Variants in ANKRD11 observed in about 807,000 individuals in gnomAD.
The protein encoded by ANKRD11 is ankyrin repeat domain 11, also known as ankyrin repeat domain-containing protein 11.
Under a neutral mutation model 195.7 loss-of-function variants are expected in ANKRD11, and 17 were observed. The ratio of observed to expected loss-of-function variants is 0.09; its 90% CI spans 0.06 to 0.13. ANKRD11 has a LOEUF of 0.13. Among genes scored for constraint, ANKRD11 ranks in the 10% least tolerant of loss-of-function variants. The probability of loss-of-function intolerance (pLI) is 1.00; values close to 1 mark genes in which losing one functional copy is unlikely to be tolerated. For synonymous variants in ANKRD11, 1,953 were observed against 1,528.1 expected (o/e 1.28, Z -6.49); for missense variants, 3,735 against 3,566.1 (o/e 1.05, Z -1.21).
intron 1 of ANKRD11, among the ~76,000 whole-genome samples, chr16:89,489,848 C>T (rs2057757152): frequency 6.8e-6 from 1 of 147,672 alleles, no homozygotes; most frequent in Admixed American, 6.7e-5. Flanking sequence ...CCAGGCCCGC[C>T]CCGGAGCCCC....
intron 1 of ANKRD11, among the ~76,000 whole-genome samples, chr16:89,480,290 C>A (rs982247645): frequency 6.6e-6 from 1 of 151,710 alleles, no homozygotes; most frequent in African/African-American, 2.4e-5. Flanking sequence ...TTCTGGCTAA[C>A]ATGGCGAAAC....
At chr16:89,311,408 GTCTA>G (rs1480309917) in intron 3 of ANKRD11, among the ~76,000 whole-genome samples, 1 of 152,116 alleles carries the variant, frequency 6.6e-6, no homozygotes, top group Non-Finnish European at 1.5e-5. Context: ...CACAACAACT[GTCTA>G]TCTAGATAGA....
At chr16:89,311,691 C>G (rs1396871134) in intron 3 of ANKRD11, among the ~76,000 whole-genome samples, 1 of 152,150 alleles carries the variant, frequency 6.6e-6, no homozygotes, top group Admixed American at 6.5e-5. Flanking sequence ...AAAGAGAGCA[C>G]GAGTTCTAGA....
chr16:89,317,234 G>T (rs939082476), intron 2 of ANKRD11, among the ~76,000 whole-genome samples, 156 bp from the exon 3 acceptor site: 1 of 152,224 alleles, frequency 6.6e-6, no homozygotes, highest in African/African-American at 2.4e-5. Context: ...GGACTTCTCA[G>T]GATACGCCTC....
At chr16:89,456,820 G>C (rs2056457565) in intron 1 of ANKRD11, among the ~76,000 whole-genome samples, 1 of 152,196 alleles carries the variant, frequency 6.6e-6, no homozygotes, top group Admixed American at 6.5e-5. Context: ...GAGAAGTGGA[G>C]CGCTTCCTTC....
At chr16:89,322,808 C>G (rs1331055704) in intron 2 of ANKRD11, among the ~76,000 whole-genome samples, 1 of 152,234 alleles carries the variant, frequency 6.6e-6, no homozygotes, top group Non-Finnish European at 1.5e-5. Flanking sequence ...CAGCACACGG[C>G]CATGCTCCAG....
intron 2 of ANKRD11, chr16:89,343,658 G>C (rs945426289): frequency 3.3e-5 from 5 of 152,262 alleles, no homozygotes; most frequent in African/African-American, 9.6e-5. Context: ...AACTTGGTCA[G>C]TCACATCCAT....
chr16:89,320,640 G>A (rs2037259656), intron 2 of ANKRD11, among the ~76,000 whole-genome samples: 1 of 152,070 alleles, frequency 6.6e-6, no homozygotes, highest in South Asian at 2.1e-4. Flanking sequence ...CCCCACACGA[G>A]CCACTGGCAC....
intron 2 of ANKRD11, chr16:89,320,290 C>T (rs1036520271): frequency 2.0e-5 from 3 of 152,278 alleles, no homozygotes; most frequent in African/African-American, 7.2e-5. Context: ...GGAGACTCTT[C>T]CCTGGAAGGT....
intron 2 of ANKRD11, among the ~76,000 whole-genome samples, chr16:89,402,393 A>G (rs1327629474): frequency 1.3e-5 from 2 of 152,190 alleles, no homozygotes; most frequent in African/African-American, 4.8e-5. Flanking sequence ...CGGTAGGCAC[A>G]TCAATTTAAA....
At chr16:89,371,809 C>A (rs2152082045) in intron 2 of ANKRD11, among the ~76,000 whole-genome samples, 1 of 152,292 alleles carries the variant, frequency 6.6e-6, no homozygotes, top group Admixed American at 6.5e-5. Context: ...TCTGCCCAGG[C>A]CAGCAATGTC....
At chr16:89,419,347 G>A (rs368709581) in intron 1 of ANKRD11, among the ~76,000 whole-genome samples, 216 of 152,018 alleles carry the variant, frequency 1.4e-3, no homozygotes, top group African/African-American at 4.5e-3. Flanking sequence ...CAACTACTTG[G>A]GAGGCTGGGG....
intron 4 of ANKRD11, among the ~76,000 whole-genome samples, chr16:89,302,770 T>C (rs3803694): frequency 0.12 from 18,963 of 152,158 alleles, 1,423 homozygotes; most frequent in East Asian, 0.35. Context: ...AAAATTCTAT[T>C]TTCAAAATGT....
At chr16:89,463,840 A>G (rs2056787941) in intron 1 of ANKRD11, among the ~76,000 whole-genome samples, 1 of 152,158 alleles carries the variant, frequency 6.6e-6, no homozygotes, top group African/African-American at 2.4e-5. Context: ...ATGGCTTTCT[A>G]CTTATGCAAA....
intron 2 of ANKRD11, among the ~76,000 whole-genome samples, chr16:89,320,944 C>T (rs887686377): frequency 2.0e-5 from 3 of 152,356 alleles, no homozygotes; most frequent in East Asian, 1.9e-4. Flanking sequence ...ACAGGAACAA[C>T]GATGGCCTGC....
intron 2 of ANKRD11, among the ~76,000 whole-genome samples, chr16:89,408,091 T>C (rs1217753519): frequency 6.6e-6 from 1 of 152,098 alleles, no homozygotes; most frequent in African/African-American, 2.4e-5. Flanking sequence ...CCACTGCACA[T>C]GTGTGACCAC....
intron 1 of ANKRD11, chr16:89,459,274 G>C (rs772219163): frequency 5.8e-6 from 1 of 172,604 alleles, no homozygotes; most frequent in Non-Finnish European, 1.3e-5. Flanking sequence ...AGTGGTAAGA[G>C]TGAAGCCAGC....
intron 1 of ANKRD11, among the ~76,000 whole-genome samples, chr16:89,435,031 A>C (rs2043154629): frequency 6.6e-6 from 1 of 152,170 alleles, no homozygotes. Flanking sequence ...TGAGAGGTGA[A>C]GCCAGCTGGG....
intron 1 of ANKRD11, among the ~76,000 whole-genome samples, chr16:89,477,469 C>T (rs1029841994): frequency 1.3e-5 from 2 of 152,038 alleles, no homozygotes; most frequent in African/African-American, 4.8e-5. Flanking sequence ...GATTCTCCTG[C>T]CTCACCCTCC....
Sources: allele counts gnomAD v4.1 joint callset (sites outside exome capture counted in the v4.1 genomes callset), GRCh38; gene constraint gnomAD v4.1.1; transcripts MANE v1.5; gene names NCBI Gene and HGNC (gene_info 2026-07-23, HGNC 2026-07-21).